RNF130: variants seen among roughly 807,000 people sequenced by gnomAD.
RNF130 encodes the protein ring finger protein 130, also known as E3 ubiquitin-protein ligase RNF130.
In RNF130, 21 loss-of-function variants were observed where a neutral mutation model predicts 44.6. The ratio of observed to expected loss-of-function variants is 0.47; its 90% CI spans 0.33 to 0.68. RNF130 has a LOEUF of 0.68. RNF130 is among the 30% of genes least tolerant of loss of function. The probability of loss-of-function intolerance (pLI) is 0.02; values close to 1 mark genes in which losing one functional copy is unlikely to be tolerated. For synonymous variants in RNF130, 214 were observed against 210.4 expected, an observed-to-expected ratio of 1.02 and a Z score of -0.15; for missense variants, 479 against 560.6, an observed-to-expected ratio of 0.85 and a Z score of 1.47.
intron 1 of RNF130, among the ~76,000 whole-genome samples, chr5:180,045,979 T>C (rs1209995830): frequency 6.6e-6 from 1 of 152,154 alleles, no homozygotes; most frequent in Admixed American, 6.5e-5. Context: ...GGGCGGTGGA[T>C]GGGACCGAGC....
chr5:180,018,416 C>G (rs1763792329), intron 2 of RNF130, among the ~76,000 whole-genome samples: 1 of 152,146 alleles, frequency 6.6e-6, no homozygotes, highest in Non-Finnish European at 1.5e-5. Context: ...CTTCACAGGG[C>G]AGCAGGAGAG....
At position 180,037,893 on chromosome 5, in the gene RNF130, C is replaced by T. The variant is rs1764284730; in HGVS notation, c.442+2560G>A. Among the ~76,000 whole-genome samples the T allele has an allele frequency of 2.6e-5, 4 of 152,264 alleles. No homozygotes were observed. The South Asian group carries it at 8.3e-4, about 32-fold the overall frequency. ...CCTATTGCTCTTATGCACACCTCCACTGTTTGCCTTACCTTCCACTTCCTA... is the reference window on the plus strand; with the variant it reads ...CCTATTGCTCTTATGCACACCTCCATTGTTTGCCTTACCTTCCACTTCCTA... On this transcript the variant is annotated intron_variant, in intron 2 of 8. Coordinates refer to ENST00000521389, the MANE Select transcript of RNF130 (RefSeq NM_018434.6).
intron 2 of RNF130, among the ~76,000 whole-genome samples, chr5:180,032,725 G>C (rs1764157725): frequency 6.6e-6 from 1 of 152,120 alleles, no homozygotes; most frequent in South Asian, 2.1e-4. Flanking sequence ...ACAATGCCTT[G>C]ATTACTAAAG....
chr5:179,986,764 T>C (rs1382401121), intron 3 of RNF130, among the ~76,000 whole-genome samples: 1 of 152,266 alleles, frequency 6.6e-6, no homozygotes, highest in Non-Finnish European at 1.5e-5. Context: ...TTTATGATAG[T>C]AAATGATCAA....
rs190671009 is a variant in RNF130, at chr5:179,967,059, T to C, written c.946-49A>G. On this transcript the variant is annotated intron_variant, in intron 6 of 8. Transcript: ENST00000521389. ...AATAATTGTAAGGAAAACACAACCT[T>C]TCATAAGATTCTAAAAAAGATTCTA... is the stretch of plus-strand genomic sequence containing the variant. 1.7e-5 allele frequency: 26 copies of C among 1,502,622 alleles called. No individual in the cohort carries two copies. In the East Asian group the frequency reaches 5.2e-4, roughly 30 times the overall value. 93.1% of individuals were successfully genotyped at this position (1,502,622 alleles called of 1,614,324 possible).
chr5:180,069,689 G>C (rs1192933540), intron 1 of RNF130, among the ~76,000 whole-genome samples: 1 of 152,128 alleles, frequency 6.6e-6, no homozygotes, highest in African/African-American at 2.4e-5. Flanking sequence ...TTTTACAGAT[G>C]AGCAAACAGG....
In RNF130 at chr5:180,013,133, A is replaced by G. The variant is rs748504250; in HGVS notation, c.621T>C (p.Ile207=). The stretch of plus-strand genomic sequence containing the variant: ...AGAATATGAGCCATGCTGAAGAAAT[A>G]ATCATCAAAACAATAAAGGATATTG... The part of the protein sequence containing the change: ...FVSISFIVLM[I]ISSAWLIFYF... The change falls in exon 3 of 9, where the codon ATT becomes ATC. Residue 207 remains isoleucine, a synonymous_variant. Transcript: ENST00000521389. 2 of 1,614,154 alleles carry G rather than the reference A, an allele frequency of 1.2e-6. No homozygotes were observed. The highest frequency in any genetic ancestry group is 2.2e-5 in the South Asian group (2 of 91,086).
chr5:180,051,755 T>C (rs1447146493), intron 1 of RNF130, among the ~76,000 whole-genome samples: 2 of 152,216 alleles, frequency 1.3e-5, no homozygotes, highest in African/African-American at 4.8e-5. Context: ...AATATATCTG[T>C]TGGATGTTCT....
chr5:179,963,748 G>T, intron 7 of RNF130, 184 bp from the exon 8 acceptor site: 1 of 594,544 alleles, frequency 1.7e-6, no homozygotes, highest in Admixed American at 2.7e-5. Flanking sequence ...TGGAAGTACT[G>T]GTGAAAGCTG....
intron 3 of RNF130, among the ~76,000 whole-genome samples, chr5:179,999,794 AATTTC>A (rs1226316635): frequency 6.6e-6 from 1 of 152,214 alleles, no homozygotes; most frequent in East Asian, 1.9e-4. Flanking sequence ...GGTTTTTAAA[AATTTC>A]ATTTCACCAG....
intron 1 of RNF130, among the ~76,000 whole-genome samples, chr5:180,056,840 G>A (rs567599225): frequency 3.9e-5 from 6 of 152,208 alleles, no homozygotes; most frequent in East Asian, 1.9e-4. Context: ...GCAGATCACC[G>A]ACAAAACCAC....
chr5:180,045,983 AC>A (rs1764555440), intron 1 of RNF130, among the ~76,000 whole-genome samples: 1 of 152,158 alleles, frequency 6.6e-6, no homozygotes, highest in African/African-American at 2.4e-5. Flanking sequence ...GGTGGATGGG[AC>A]CGAGCCCCGT....
chr5:179,965,577 A>AT (rs1762423907), intron 7 of RNF130, among the ~76,000 whole-genome samples: 1 of 152,226 alleles, frequency 6.6e-6, no homozygotes, highest in East Asian at 1.9e-4. Flanking sequence ...AAAACTCACT[A>AT]ATAAACCAAC....
intron 2 of RNF130, among the ~76,000 whole-genome samples, chr5:180,028,638 A>C (rs1764049660): frequency 6.6e-6 from 1 of 152,202 alleles, no homozygotes; most frequent in Non-Finnish European, 1.5e-5. Context: ...TGGTTCCCCA[A>C]TTACTTCAGG....
chr5:179,975,609 T>C (rs1762701440), intron 5 of RNF130, among the ~76,000 whole-genome samples: 1 of 152,020 alleles, frequency 6.6e-6, no homozygotes, highest in Admixed American at 6.6e-5. Flanking sequence ...TCAGGGAAAG[T>C]TACAGCTTGG....
intron 2 of RNF130, chr5:180,015,442 TGGAAAAGGAGTAG>T (rs1763694882): frequency 2.2e-6 from 1 of 464,942 alleles, no homozygotes; most frequent in African/African-American, 2.1e-5. Flanking sequence ...AGACTCAAGC[TGGAAAAGGAGTAG>T]GGAAAGGAGT....
intron 5 of RNF130, among the ~76,000 whole-genome samples, chr5:179,971,776 T>C (rs1762592326): frequency 6.6e-6 from 1 of 152,246 alleles, no homozygotes; most frequent in African/African-American, 2.4e-5. Flanking sequence ...TGTTTAAAAA[T>C]GCAGTTTTGA....
chr5:180,045,776 C>T (rs1044974806), intron 1 of RNF130, among the ~76,000 whole-genome samples: 8 of 152,142 alleles, frequency 5.3e-5, no homozygotes, highest in African/African-American at 1.9e-4. Context: ...TTCTCCAAGT[C>T]CCCACCAGAT....
intron 7 of RNF130, chr5:179,933,882 T>A (rs1328571739): frequency 1.4e-6 from 1 of 729,162 alleles, no homozygotes; most frequent in Non-Finnish European, 2.3e-6. Flanking sequence ...CCAGCTGAGG[T>A]TGTTAGTAAA....
Sources: gnomAD v4.1 joint callset for allele counts (sites outside exome capture counted in the v4.1 genomes callset) on GRCh38, gnomAD v4.1.1 for gene constraint, MANE v1.5 for transcripts, NCBI Gene and HGNC (gene_info 2026-07-23, HGNC 2026-07-21) for gene names.